ERC2: variants seen among roughly 807,000 people sequenced by gnomAD.
The protein encoded by ERC2 is ERC protein 2.
Under a neutral mutation model 114.8 loss-of-function variants are expected in ERC2, and 42 were observed. The observed-to-expected ratio is 0.37, with a 90% confidence interval of 0.29 to 0.47. The LOEUF is 0.47. Among genes scored for constraint, ERC2 ranks in the 20% least tolerant of loss-of-function variants. The pLI is 0.99. For missense variants in ERC2, 939 were observed against 1,150.7 expected (o/e 0.82, Z 2.66); for synonymous variants, 454 against 425.5 (o/e 1.07, Z -0.82).
At chr3:56,042,014 C>G (rs568718358) in intron 7 of ERC2, among the ~76,000 whole-genome samples, 21 of 152,220 alleles carry the variant, frequency 1.4e-4, no homozygotes, top group African/African-American at 5.1e-4. Flanking sequence ...TAAGGTGACC[C>G]AGCAAATTAG....
At chr3:55,602,488 G>A (rs1039745006) in intron 17 of ERC2, among the ~76,000 whole-genome samples, 3 of 152,176 alleles carry the variant, frequency 2.0e-5, no homozygotes, top group East Asian at 1.9e-4. Flanking sequence ...CAGGTACCAC[G>A]GTGCTGATGT....
At chr3:56,275,009 A>G (rs2053901527) in intron 3 of ERC2, among the ~76,000 whole-genome samples, 1 of 152,106 alleles carries the variant, frequency 6.6e-6, no homozygotes, top group African/African-American at 2.4e-5. Flanking sequence ...TTCCTTAAAC[A>G]CTTCTACATT....
At chr3:55,870,511 T>C (rs1271216433) in intron 14 of ERC2, among the ~76,000 whole-genome samples, 1 of 152,232 alleles carries the variant, frequency 6.6e-6, no homozygotes, top group Non-Finnish European at 1.5e-5. Context: ...ACTCATTTAA[T>C]GCTCAGAAGA....
intron 17 of ERC2, among the ~76,000 whole-genome samples, chr3:55,516,640 G>A (rs1438310010): frequency 6.6e-6 from 1 of 152,134 alleles, no homozygotes; most frequent in Non-Finnish European, 1.5e-5. Context: ...GAGGGACTTG[G>A]TATTTCAACT....
chr3:55,755,348 G>T (rs2066983749), intron 14 of ERC2, among the ~76,000 whole-genome samples: 1 of 152,114 alleles, frequency 6.6e-6, no homozygotes, highest in Non-Finnish European at 1.5e-5. Flanking sequence ...AGGGGATGAG[G>T]TTAATAAAGA....
chr3:56,413,732 C>T (rs2061033520), intron 2 of ERC2, among the ~76,000 whole-genome samples: 2 of 152,210 alleles, frequency 1.3e-5, no homozygotes, highest in African/African-American at 4.8e-5. Context: ...TGCACAGTGC[C>T]TTCTGACTTA....
chr3:56,449,652 C>T (rs4974142), intron 1 of ERC2, among the ~76,000 whole-genome samples: 9,168 of 152,242 alleles, frequency 0.06, 529 homozygotes, highest in East Asian at 0.31. Flanking sequence ...CTTCTGGATA[C>T]GCAATCTTGA....
intron 13 of ERC2, among the ~76,000 whole-genome samples, chr3:55,946,748 C>T (rs188597163): frequency 6.6e-6 from 1 of 152,294 alleles, no homozygotes; most frequent in Admixed American, 6.5e-5. Flanking sequence ...GTTCTGCATC[C>T]TTCCCTTCCT....
intron 3 of ERC2, among the ~76,000 whole-genome samples, chr3:56,239,566 G>A (rs1173006786): frequency 2.6e-5 from 4 of 152,164 alleles, no homozygotes; most frequent in Non-Finnish European, 5.9e-5. Context: ...GCTAAAAGCA[G>A]ATAAAGACTA....
At chr3:56,021,557 T>C (rs1269773054) in intron 7 of ERC2, among the ~76,000 whole-genome samples, 1 of 151,620 alleles carries the variant, frequency 6.6e-6, no homozygotes, top group African/African-American at 2.4e-5. Flanking sequence ...ATTTATTTAT[T>C]TTTTTAATGG....
At chr3:56,423,952 G>C (rs1340661175) in intron 2 of ERC2, among the ~76,000 whole-genome samples, 1 of 152,110 alleles carries the variant, frequency 6.6e-6, no homozygotes, top group Non-Finnish European at 1.5e-5. Context: ...GATGTCAATG[G>C]ACTCCGAAAC....
At chr3:55,980,279 C>CA (rs140419487) in intron 12 of ERC2, among the ~76,000 whole-genome samples, 8,808 of 151,760 alleles carry the variant, frequency 0.058, 627 homozygotes, top group African/African-American at 0.17. Flanking sequence ...AAATCCTCCA[C>CA]AAAAAAAATG....
chr3:55,607,316 G>A (rs893724896), intron 17 of ERC2, among the ~76,000 whole-genome samples: 1 of 152,160 alleles, frequency 6.6e-6, no homozygotes, highest in Non-Finnish European at 1.5e-5. Context: ...AAGGCTTCCT[G>A]GGAAGAAGTG....
rs532077592 is a variant in ERC2, at chr3:56,205,966, T to C, written c.1075-32446A>G. Among the ~76,000 whole-genome samples the C allele has an allele frequency of 2.0e-5, 3 of 152,256 alleles. No homozygotes were observed. In the South Asian group the frequency reaches 6.2e-4, roughly 32 times the overall value. On this transcript the variant is annotated intron_variant, in intron 3 of 17. Coordinates refer to ENST00000288221, the MANE Select transcript of ERC2 (RefSeq NM_015576.3). ...AAGACTCAACACTACAAAAATCATATATGGGGTTTCTGATAGCAACTGTTA... is the reference window on the plus strand; with the variant it reads ...AAGACTCAACACTACAAAAATCATACATGGGGTTTCTGATAGCAACTGTTA...
chr3:55,623,879 T>C (rs1251011049), intron 17 of ERC2, among the ~76,000 whole-genome samples: 1 of 152,244 alleles, frequency 6.6e-6, no homozygotes, highest in Non-Finnish European at 1.5e-5. Context: ...ATTGACTTGC[T>C]GAGAGAATTA....
intron 17 of ERC2, among the ~76,000 whole-genome samples, chr3:55,540,697 G>C (rs570103270): frequency 2.0e-5 from 3 of 152,180 alleles, no homozygotes; most frequent in Non-Finnish European, 4.4e-5. Flanking sequence ...GACACTCAAA[G>C]CCACATTCAC....
intron 16 of ERC2, among the ~76,000 whole-genome samples, chr3:55,690,158 AT>A (rs746581761): frequency 6.6e-6 from 1 of 152,282 alleles, no homozygotes; most frequent in South Asian, 2.1e-4. Context: ...AATTTTTAAA[AT>A]GCTATTGGTC....
chr3:56,434,107 C>T lies in ERC2; in HGVS notation c.657+244G>A, dbSNP rs2061912991. 3 of 514,364 alleles carry T rather than the reference C, an allele frequency of 5.8e-6. No individual in the cohort carries two copies. In the South Asian group the frequency reaches 9.7e-5, roughly 17 times the overall value. The allele number at this position is 514,364 out of a possible 1,614,324, so 31.9% of individuals were successfully genotyped here. On this transcript the variant is annotated intron_variant, in intron 2 of 17. Coordinates refer to ENST00000288221, the MANE Select transcript of ERC2 (RefSeq NM_015576.3). ...AAGTTAGGCAATGACAAGTGATCCT[C>T]CCCACCCCACCCCTCTCCCCATCTG...
At chr3:56,147,111 C>T (rs1281237886) in intron 5 of ERC2, among the ~76,000 whole-genome samples, 4 of 152,158 alleles carry the variant, frequency 2.6e-5, no homozygotes, top group Non-Finnish European at 5.9e-5. Flanking sequence ...AAAGTTTAAG[C>T]CAAAACAATA....
Sources: gnomAD v4.1 joint callset for allele counts (sites outside exome capture counted in the v4.1 genomes callset) on GRCh38, gnomAD v4.1.1 for gene constraint, MANE v1.5 for transcripts, NCBI Gene and HGNC (gene_info 2026-07-23, HGNC 2026-07-21) for gene names.